SRSF1: variants seen among roughly 807,000 people sequenced by gnomAD.
SRSF1 encodes the protein serine/arginine-rich splicing factor 1.
A neutral mutation model predicts 25.9 loss-of-function variants in SRSF1; 1 was observed. The observed-to-expected ratio is 0.04, with a 90% CI of 0.01 to 0.18. SRSF1 has a LOEUF of 0.18. SRSF1 is among the 10% of genes least tolerant of loss of function. The pLI is 1.00. For missense variants in SRSF1, 65 were observed against 350.5 expected (o/e 0.19, Z 6.50); for synonymous variants, 132 against 126.2 (o/e 1.05, Z -0.31).
chr17:57,992,135 T>G, the SRSF1 span: 1 of 152,244 alleles, frequency 6.6e-6, no homozygotes, highest in Non-Finnish European at 1.5e-5. Context: ...CTTCATCCAT[T>G]AAAGCATTTG....
At chr17:57,989,628 T>G in the SRSF1 span, 1 of 398,644 alleles carries the variant, frequency 2.5e-6, no homozygotes, top group African/African-American at 2.1e-5. Flanking sequence ...CCCCCTCCCA[T>G]TCTTTCCTCC....
At position 58,002,443 on chromosome 17, in the gene SRSF1, G is replaced by C. The variant is rs1407346924; in HGVS notation, c.*2963C>G. On this transcript the variant is annotated 3_prime_UTR_variant, in exon 4 of 4. Transcript: ENST00000258962. ...CTTCCAACTATGATTAGCACCCAAG[G>C]GAAATGTTAAAGTCTATTTATTTTA... 6.6e-6 allele frequency among the ~76,000 whole-genome samples: 1 copy of C among 152,104 alleles called. No individual in the cohort carries two copies. Among genetic ancestry groups the C allele is most frequent in the Non-Finnish European group, 1.5e-5 (1 of 68,010 alleles).
Position 58,001,649 on chromosome 17 carries a change from G to T in SRSF1, c.*3757C>A, listed in dbSNP as rs910248588. Among the ~76,000 whole-genome samples, 1 of 152,146 alleles carries T rather than the reference G, an allele frequency of 6.6e-6. No individual in the cohort carries two copies. Among genetic ancestry groups the T allele is most frequent in the Non-Finnish European group, 1.5e-5 (1 of 68,010 alleles). ...TAAGGGGACATAAATAGGGAGAAGA[G>T]GGGGAAATTCCAAGACAGCTTTTGT... On this transcript the variant is annotated 3_prime_UTR_variant, in exon 4 of 4. Transcript: ENST00000258962.
chr17:57,995,719 G>A, the SRSF1 span, among the ~76,000 whole-genome samples: 2 of 152,048 alleles, frequency 1.3e-5, no homozygotes, highest in African/African-American at 2.4e-5. Flanking sequence ...AAAAAGCAAC[G>A]TGATAGTAAA....
intron 1 of SRSF1, 95 bp from the exon 2 acceptor site, chr17:58,006,622 A>C: frequency 1.0e-5 from 14 of 1,374,938 alleles, no homozygotes; most frequent in Non-Finnish European, 1.4e-5. Context: ...TGCGCACCCA[A>C]CGTGGAAGAG....
Position 58,005,985 on chromosome 17 carries a change from ATTT to A in SRSF1, c.380-15_380-13del, listed in dbSNP as rs753460117. The A allele has an allele frequency of 1.3e-6, 2 of 1,567,098 alleles. No individual in the cohort carries two copies. Among genetic ancestry groups the A allele is most frequent in the South Asian group, 1.1e-5 (1 of 88,126 alleles). ...ACTTGGAGGCAGTCCTGAAAAAGTG[ATTT>A]TTTTTTTCTTAGTACCAATTATCTT... On this transcript the variant is annotated splice_polypyrimidine_tract_variant and intron_variant, in intron 2 of 3. Transcript: ENST00000258962. The surrounding 1 kb of genome is among the most constrained non-coding windows in gnomAD (Gnocchi z 5.2).
the SRSF1 span, chr17:57,989,061 C>T: frequency 2.5e-6 from 1 of 395,984 alleles, no homozygotes; most frequent in Non-Finnish European, 4.4e-6. Context: ...TTATTTTAGT[C>T]CTTTAGTACA....
chr17:58,005,296 A>G lies in SRSF1; in HGVS notation c.*110T>C, dbSNP rs2143481535. ...GGATATTACAAGAATGCAATTCAAC[A>G]CTTTAGCCCATTCTGAACAAAACAG... On this transcript the variant is annotated 3_prime_UTR_variant, in exon 4 of 4. Coordinates refer to ENST00000258962, the MANE Select transcript of SRSF1 (RefSeq NM_006924.5). The surrounding 1 kb of genome is among the most constrained non-coding windows in gnomAD (Gnocchi z 5.2). 8.4e-7 allele frequency: 1 copy of G among 1,186,590 alleles called. No individual in the cohort carries two copies. The highest frequency in any genetic ancestry group is 2.4e-5 in the East Asian group (1 of 42,486). The allele number at this position is 1,186,590 out of a possible 1,614,324, so 73.5% of individuals were successfully genotyped here. A position where few individuals can be genotyped will look rare whatever the true frequency, so the allele number is the denominator to read the frequency against.
Position 58,004,982 on chromosome 17 carries a change from T to C in SRSF1, c.*424A>G, listed in dbSNP as rs2075417165. The C allele has an allele frequency of 2.4e-6, 1 of 412,136 alleles. No individual in the cohort carries two copies. The highest frequency in any genetic ancestry group is 2.1e-5 in the African/African-American group (1 of 48,754). 25.5% of individuals were successfully genotyped at this position (412,136 alleles called of 1,614,324 possible). On this transcript the variant is annotated 3_prime_UTR_variant, in exon 4 of 4. Transcript: ENST00000258962. ...CCTCCTTTTGACAATCCTAAAATGA[T>C]TGAAATGTGCTCCACAATCCTTAAT... is the stretch of plus-strand genomic sequence containing the variant.
At chr17:57,996,374 C>T (rs546289667), downstream of SRSF1, among the ~76,000 whole-genome samples, 491 of 149,068 alleles carry the variant, frequency 3.3e-3, 2 homozygotes, top group Non-Finnish European at 5.9e-3. Context: ...ATCCCTGCTA[C>T]TTGGGAGGCT....
chr17:57,989,178 T>C, the SRSF1 span: 5 of 398,526 alleles, frequency 1.3e-5, no homozygotes. Flanking sequence ...GTCTTCCGTG[T>C]AGGCGTCACT....
chr17:57,992,611 A>G, the SRSF1 span: 1 of 152,222 alleles, frequency 6.6e-6, no homozygotes, highest in South Asian at 2.1e-4. Context: ...GGATAACACT[A>G]AACAATGCTG....
At position 58,005,623 on chromosome 17, in the gene SRSF1, C is replaced by T; in HGVS notation, c.553-23G>A. On this transcript the variant is annotated intron_variant, in intron 3 of 3. Transcript: ENST00000258962. This position sits in a 1 kb window ranked among gnomAD's most constrained non-coding sequence, Gnocchi z 5.2. ...TCCCTATTGGATAGACAGAACTTTC[C>T]ATTGAAAGATCTAAGCTTTCATCTA... The T allele has an allele frequency of 5.0e-6, 8 of 1,612,528 alleles. No homozygotes were observed. The highest frequency in any genetic ancestry group is 6.8e-6 in the Non-Finnish European group (8 of 1,178,720).
Position 58,006,399 on chromosome 17 carries a change from G to A in SRSF1, c.323C>T (p.Pro108Leu). ...GGATGGGGGGCCATAGCGACCTCGG[G>A]GAGCTCCGCCACCTCCACCCCCGCC... ...GGGGGGGGGA[P>L]RGRYGPPSRR... The change falls in exon 2 of 4, where the codon CCC becomes CTC. Residue 108 changes from proline (P) to leucine (L), a missense_variant. Physicochemically the swap from Pro to Leu is moderately conservative, Grantham distance 98. Around this residue, in one of 2 missense-constraint regions of SRSF1, gnomAD observed 63 missense variants for 284.8 expected, o/e 0.22. Transcript: ENST00000258962. 6.2e-7 allele frequency: 1 copy of A among 1,613,024 alleles called. No homozygotes were observed.
At chr17:57,989,343 AG>A in the SRSF1 span, 3 of 398,498 alleles carry the variant, frequency 7.5e-6, no homozygotes, top group Non-Finnish European at 1.3e-5. Flanking sequence ...CAGGGAAATG[AG>A]GGGGCAGGCT....
the SRSF1 span, chr17:57,993,024 A>C: frequency 6.6e-6 from 1 of 152,270 alleles, no homozygotes; most frequent in Non-Finnish European, 1.5e-5. Context: ...CACAAGGCCT[A>C]GATAAGATCT....
At chr17:58,006,178 G>T in intron 2 of SRSF1, 165 bp downstream of exon 2, 1 of 1,010,574 alleles carries the variant, frequency 9.9e-7, no homozygotes, top group Non-Finnish European at 1.4e-6. Flanking sequence ...AACCTAATTT[G>T]GTAAATCACC....
chr17:57,994,373 T>G, the SRSF1 span: 1 of 152,226 alleles, frequency 6.6e-6, no homozygotes, highest in African/African-American at 2.4e-5. Context: ...AATGTGTGAT[T>G]AGTCTTCTCC....
chr17:57,997,806 TTGAC>T (rs1418209377), downstream of SRSF1, among the ~76,000 whole-genome samples: 2 of 152,204 alleles, frequency 1.3e-5, no homozygotes, highest in Non-Finnish European at 2.9e-5. Flanking sequence ...GACACAGAAC[TTGAC>T]TATCACCTTG....
Sources: gnomAD v4.1 joint callset for allele counts (sites outside exome capture counted in the v4.1 genomes callset) on GRCh38, gnomAD v4.1.1 for gene constraint, gnomAD v4.1.1 regional missense constraint, Gnocchi (gnomAD v3.1) non-coding constraint, MANE v1.5 for transcripts, NCBI Gene and HGNC (gene_info 2026-07-23, HGNC 2026-07-21) for gene names.